Variants in LRRC7 observed in about 807,000 individuals in gnomAD.
The protein encoded by LRRC7 is leucine-rich repeat-containing protein 7.
LRRC7 carries 23 observed loss-of-function variants against 175.7 expected under a neutral mutation model. The observed-to-expected ratio is 0.13, with a 90% CI of 0.09 to 0.19. LRRC7 has a LOEUF of 0.19. Among genes scored for constraint, LRRC7 ranks in the 10% least tolerant of loss-of-function variants. The pLI, the probability that LRRC7 is intolerant of heterozygous loss-of-function variation, is 1.00. For missense variants in LRRC7, 1,354 were observed against 1,904.7 expected, an observed-to-expected ratio of 0.71 and a Z score of 5.38; for synonymous variants, 685 against 680.9, an observed-to-expected ratio of 1.01 and a Z score of -0.09.
chr1:70,013,274 T>C (rs987372273), intron 13 of LRRC7, among the ~76,000 whole-genome samples, 185 bp downstream of exon 13: 5 of 151,930 alleles, frequency 3.3e-5, no homozygotes, highest in African/African-American at 9.7e-5. Flanking sequence ...AATTTTGTTA[T>C]TTGATTATAT....
At chr1:69,842,066 A>T (rs1165204900) in intron 7 of LRRC7, among the ~76,000 whole-genome samples, 2 of 152,140 alleles carry the variant, frequency 1.3e-5, no homozygotes, top group Non-Finnish European at 2.9e-5. Flanking sequence ...ATAACTTCAT[A>T]TAATTAATAT....
At chr1:69,700,099 C>T (rs769750506) in intron 2 of LRRC7, among the ~76,000 whole-genome samples, 1 of 152,114 alleles carries the variant, frequency 6.6e-6, no homozygotes, top group Non-Finnish European at 1.5e-5. Flanking sequence ...AATCAGTGAT[C>T]TAGGGGTCCA....
intron 1 of LRRC7, among the ~76,000 whole-genome samples, chr1:69,608,844 CTCTCTCTCTCTCTCTCTCTCTCTA>C (rs1474250852): frequency 0.018 from 906 of 49,218 alleles, 2 homozygotes; most frequent in Admixed American, 0.024. Flanking sequence ...CTCTCTCTCT[CTCTCTCTCTCTCTCTCTCTCTCTA>C]TATATATATA....
At chr1:70,121,022 T>C (rs1666178368) in intron 26 of LRRC7, among the ~76,000 whole-genome samples, 1 of 152,038 alleles carries the variant, frequency 6.6e-6, no homozygotes, top group African/African-American at 2.4e-5. Context: ...ACAATGTACA[T>C]TTTGTGACAT....
Position 69,568,420 on chromosome 1 carries a change from G to A in LRRC7, c.-220G>A, listed in dbSNP as rs72934492. 47 of 250,504 alleles carry A rather than the reference G, an allele frequency of 1.9e-4. No individual in the cohort carries two copies. The highest frequency in any genetic ancestry group is 1.1e-3 in the African/African-American group (46 of 42,448). The allele number at this position is 250,504 out of a possible 1,614,324, so 15.5% of individuals were successfully genotyped here. On this transcript the variant is annotated 5_prime_UTR_variant, in exon 1 of 27. Coordinates refer to ENST00000651989, the MANE Select transcript of LRRC7 (RefSeq NM_001370785.2). ...GCCGCTTCCCGCGGGAACCTCTCCAGCCGTCCACCTGAAGGGCACTGGCAT... is the reference window on the plus strand; with the variant it reads ...GCCGCTTCCCGCGGGAACCTCTCCAACCGTCCACCTGAAGGGCACTGGCAT...
At chr1:69,813,650 A>G (rs1040302034) in intron 4 of LRRC7, among the ~76,000 whole-genome samples, 2 of 152,164 alleles carry the variant, frequency 1.3e-5, no homozygotes, top group African/African-American at 4.8e-5. Context: ...CCATATAATT[A>G]CTTTAGAATA....
intron 23 of LRRC7, among the ~76,000 whole-genome samples, chr1:70,066,670 G>A (rs571991608): frequency 6.6e-6 from 1 of 152,138 alleles, no homozygotes; most frequent in African/African-American, 2.4e-5. Flanking sequence ...TGGCTACTAT[G>A]AAGAAAATTG....
At chr1:70,055,828 T>A in intron 23 of LRRC7, among the ~76,000 whole-genome samples, 1 of 152,158 alleles carries the variant, frequency 6.6e-6, no homozygotes, top group South Asian at 2.1e-4. Flanking sequence ...CAATTCAACA[T>A]GACATTTGGG....
At chr1:69,695,403 C>T (rs995304370) in intron 2 of LRRC7, among the ~76,000 whole-genome samples, 1 of 152,152 alleles carries the variant, frequency 6.6e-6, no homozygotes, top group Non-Finnish European at 1.5e-5. Flanking sequence ...AAATTTGGAA[C>T]TTATAATTGA....
intron 16 of LRRC7, among the ~76,000 whole-genome samples, chr1:70,022,626 ATCTC>A (rs1017942796): frequency 1.5e-4 from 23 of 152,178 alleles, no homozygotes; most frequent in African/African-American, 4.8e-4. Context: ...GTGTTTCAAA[ATCTC>A]AAACTACTCA....
intron 1 of LRRC7, among the ~76,000 whole-genome samples, chr1:69,642,859 ATAC>A (rs1654442580): frequency 1.0e-5 from 1 of 97,014 alleles, no homozygotes; most frequent in African/African-American, 3.9e-5. Context: ...TAGATAGATT[ATAC>A]GATTGATTGG....
rs1331778007 is a variant in LRRC7 at position 69,921,334 on chromosome 1, T to TAC, written c.648-10163_648-10162dup. ...TTTGCCTGAGCTCCAGACACACACA[T>TAC]ACACACACACAAACACACACACACA... On this transcript the variant is annotated intron_variant, in intron 7 of 26. Transcript: ENST00000651989. Among the ~76,000 whole-genome samples the TAC allele has an allele frequency of 2.6e-5, 4 of 151,746 alleles. No individual in the cohort carries two copies. The East Asian group carries it at 5.8e-4, about 22-fold the overall frequency.
At chr1:69,957,662 A>G (rs1650637059) in intron 8 of LRRC7, among the ~76,000 whole-genome samples, 1 of 151,840 alleles carries the variant, frequency 6.6e-6, no homozygotes, top group African/African-American at 2.4e-5. Context: ...TTCAGAAGGT[A>G]TTTCAGTTTT....
chr1:70,006,820 G>C (rs773311988), intron 11 of LRRC7, among the ~76,000 whole-genome samples: 1 of 152,040 alleles, frequency 6.6e-6, no homozygotes, highest in Non-Finnish European at 1.5e-5. Context: ...TTGCTAGAAT[G>C]GCTCACAAAA....
chr1:69,976,415 G>A (rs1652826340), intron 8 of LRRC7, among the ~76,000 whole-genome samples: 1 of 152,114 alleles, frequency 6.6e-6, no homozygotes, highest in Non-Finnish European at 1.5e-5. Context: ...ATTAGATTGT[G>A]CCCACCCAGT....
At chr1:69,909,893 C>T (rs1646465987) in intron 7 of LRRC7, among the ~76,000 whole-genome samples, 2 of 152,186 alleles carry the variant, frequency 1.3e-5, no homozygotes. Flanking sequence ...TTCTCCCCAT[C>T]ATTTTCAGGT....
intron 2 of LRRC7, among the ~76,000 whole-genome samples, chr1:69,742,303 G>A (rs1668800589): frequency 6.6e-6 from 1 of 151,840 alleles, no homozygotes. Context: ...GTTAGAATGA[G>A]GATTTCTTGA....
chr1:70,017,093 T>C (rs576728012), intron 14 of LRRC7, among the ~76,000 whole-genome samples: 22 of 151,936 alleles, frequency 1.4e-4, no homozygotes, highest in Non-Finnish European at 2.6e-4. Context: ...GCCTGACCAA[T>C]GTGGTGAAAC....
chr1:70,054,507 CA>C (rs1660979480), intron 23 of LRRC7, among the ~76,000 whole-genome samples: 1 of 145,082 alleles, frequency 6.9e-6, no homozygotes, highest in Admixed American at 7.0e-5. Flanking sequence ...GGGATGGAAT[CA>C]GGGAGAAAGT....
Sources: allele counts gnomAD v4.1 joint callset (sites outside exome capture counted in the v4.1 genomes callset), GRCh38; gene constraint gnomAD v4.1.1; transcripts MANE v1.5; gene names NCBI Gene and HGNC (gene_info 2026-07-23, HGNC 2026-07-21).